The following ANO4 variants were observed in gnomAD, a reference collection of about 807,000 sequenced individuals.
The protein encoded by ANO4 is anoctamin-4.
In ANO4, 69 loss-of-function variants were observed where a neutral mutation model predicts 141.9. The ratio of observed to expected loss-of-function variants is 0.49; its 90% CI spans 0.40 to 0.59. ANO4 has a LOEUF of 0.59. ANO4 is among the 20% of genes least tolerant of loss of function. The pLI, the probability that ANO4 is intolerant of heterozygous loss-of-function variation, is 0.00. For missense variants in ANO4, 894 were observed against 1,162.2 expected (o/e 0.77, Z 3.36); for synonymous variants, 350 against 394.3 (o/e 0.89, Z 1.33).
chr12:100,731,366 A>T (rs2031373959), intron 1 of ANO4, among the ~76,000 whole-genome samples: 1 of 152,168 alleles, frequency 6.6e-6, no homozygotes, highest in African/African-American at 2.4e-5. Context: ...ATTTTTTTAC[A>T]GCAGTTTTAG....
At chr12:100,919,750 A>ATCTG (rs2041541674) in intron 2 of ANO4, among the ~76,000 whole-genome samples, 4 of 146,996 alleles carry the variant, frequency 2.7e-5, no homozygotes, top group Non-Finnish European at 5.9e-5. Flanking sequence ...CTATCTATCT[A>ATCTG]TCTATCTATC....
intron 7 of ANO4, among the ~76,000 whole-genome samples, chr12:100,978,359 G>A (rs2044298817): frequency 6.6e-6 from 1 of 152,148 alleles, no homozygotes; most frequent in African/African-American, 2.4e-5. Context: ...CAGTGGGGGT[G>A]GGATGGACAA....
intron 2 of ANO4, among the ~76,000 whole-genome samples, chr12:100,738,401 C>T (rs982266894): frequency 7.2e-5 from 11 of 152,128 alleles, no homozygotes; most frequent in African/African-American, 2.7e-4. Flanking sequence ...CTTGTCATAG[C>T]TCGTTTATAT....
intron 3 of ANO4, among the ~76,000 whole-genome samples, chr12:100,936,880 T>C (rs2042308605): frequency 6.6e-6 from 1 of 152,144 alleles, no homozygotes; most frequent in Admixed American, 6.5e-5. Flanking sequence ...TATTCCTGTC[T>C]CACCAGTGAG....
intron 13 of ANO4, among the ~76,000 whole-genome samples, chr12:101,044,171 C>T (rs550553291): frequency 1.3e-5 from 2 of 152,284 alleles, no homozygotes; most frequent in East Asian, 3.9e-4. Context: ...AATGTGCCCC[C>T]TTTCTAAGAA....
At chr12:101,054,751 T>C (rs879707368) in intron 14 of ANO4, among the ~76,000 whole-genome samples, 24 of 152,310 alleles carry the variant, frequency 1.6e-4, no homozygotes, top group Non-Finnish European at 2.8e-4. Context: ...CCGCCCGCCT[T>C]GGCCTCCCAA....
At chr12:100,724,416 G>T (rs968902844) in intron 1 of ANO4, among the ~76,000 whole-genome samples, 15 of 152,264 alleles carry the variant, frequency 9.9e-5, no homozygotes, top group African/African-American at 3.6e-4. Context: ...GGGAGTCTGG[G>T]TCTCACTCAG....
intron 3 of ANO4, among the ~76,000 whole-genome samples, chr12:100,783,984 A>C (rs2033786106): frequency 5.9e-5 from 2 of 34,012 alleles, no homozygotes; most frequent in Non-Finnish European, 5.4e-5. Flanking sequence ...TGTAGTGTGG[A>C]AGAACACACT....
At chr12:101,104,356 A>T (rs889657788) in intron 22 of ANO4, among the ~76,000 whole-genome samples, 2 of 151,308 alleles carry the variant, frequency 1.3e-5, no homozygotes, top group Non-Finnish European at 3.0e-5. Flanking sequence ...CAGAGCTATA[A>T]TGTTCTCTAT....
intron 22 of ANO4, among the ~76,000 whole-genome samples, chr12:101,100,615 A>G (rs1248405993): frequency 1.3e-5 from 2 of 152,194 alleles, no homozygotes; most frequent in African/African-American, 4.8e-5. Context: ...AAAGAAGACA[A>G]TGAACAATAA....
chr12:100,890,062 A>T (rs1297097480), intron 1 of ANO4, among the ~76,000 whole-genome samples: 2 of 152,058 alleles, frequency 1.3e-5, no homozygotes, highest in Non-Finnish European at 2.9e-5. Context: ...TATTATAGTT[A>T]TGTCAGTATT....
intron 14 of ANO4, among the ~76,000 whole-genome samples, chr12:101,078,680 A>G (rs902018099): frequency 1.3e-5 from 2 of 152,198 alleles, no homozygotes; most frequent in African/African-American, 4.8e-5. Context: ...TATTTTACAT[A>G]GGTATTTGCT....
intron 22 of ANO4, among the ~76,000 whole-genome samples, chr12:101,105,204 C>G (rs2050393263): frequency 6.6e-6 from 1 of 152,126 alleles, no homozygotes; most frequent in African/African-American, 2.4e-5. Flanking sequence ...TTTACAAACA[C>G]TCTATGCCAG....
At chr12:100,919,565 T>A (rs2041510577) in intron 2 of ANO4, among the ~76,000 whole-genome samples, 1 of 152,064 alleles carries the variant, frequency 6.6e-6, no homozygotes, top group Non-Finnish European at 1.5e-5. Context: ...ACTATGTTTG[T>A]GTAAGTACAC....
At chr12:100,912,499 A>C (rs2041154902) in intron 2 of ANO4, among the ~76,000 whole-genome samples, 1 of 151,134 alleles carries the variant, frequency 6.6e-6, no homozygotes, top group Non-Finnish European at 1.5e-5. Flanking sequence ...GTGCCACTGC[A>C]CTCCAGCCTG....
intron 9 of ANO4, among the ~76,000 whole-genome samples, chr12:101,035,433 T>C (rs1313566049): frequency 6.6e-6 from 1 of 152,210 alleles, no homozygotes; most frequent in Non-Finnish European, 1.5e-5. Flanking sequence ...GCAATGGATA[T>C]GTTTAGATTC....
At chr12:100,883,932 T>C (rs541610402) in intron 1 of ANO4, among the ~76,000 whole-genome samples, 1 of 152,212 alleles carries the variant, frequency 6.6e-6, no homozygotes, top group African/African-American at 2.4e-5. Flanking sequence ...CAAATGGGCC[T>C]TAAAATACAA....
chr12:101,126,485 C>T (rs1004603144), intron 26 of ANO4, among the ~76,000 whole-genome samples: 1 of 152,088 alleles, frequency 6.6e-6, no homozygotes, highest in Non-Finnish European at 1.5e-5. Context: ...TCATAATTCT[C>T]ACAATACTCA....
chr12:101,010,173 G>A (rs1247504001), intron 8 of ANO4, among the ~76,000 whole-genome samples: 1 of 152,060 alleles, frequency 6.6e-6, no homozygotes, highest in Non-Finnish European at 1.5e-5. Context: ...TGTTCTTACT[G>A]TTATTTAAAC....
Sources: gnomAD v4.1 joint callset for allele counts (sites outside exome capture counted in the v4.1 genomes callset) on GRCh38, gnomAD v4.1.1 for gene constraint, MANE v1.5 for transcripts, NCBI Gene and HGNC (gene_info 2026-07-23, HGNC 2026-07-21) for gene names.